TMEM62: variants seen among roughly 807,000 people sequenced by gnomAD.
TMEM62 encodes transmembrane protein 62.
In TMEM62, 41 loss-of-function variants were observed where a neutral mutation model predicts 70.4. The observed-to-expected ratio is 0.58, with a 90% CI of 0.45 to 0.76. The LOEUF is 0.76. Among genes scored for constraint, TMEM62 ranks in the 30% least tolerant of loss-of-function variants. The probability of loss-of-function intolerance (pLI) is 0.00; values close to 1 mark genes in which losing one functional copy is unlikely to be tolerated. For missense variants in TMEM62, 688 were observed against 788.5 expected (o/e 0.87, Z 1.53); for synonymous variants, 268 against 291.0 (o/e 0.92, Z 0.80).
chr15:43,157,005 A>G (rs2038125835), intron 9 of TMEM62, among the ~76,000 whole-genome samples: 1 of 152,170 alleles, frequency 6.6e-6, no homozygotes, highest in Admixed American at 6.5e-5. Context: ...TGGTCCCTTC[A>G]TTCATTCATG....
intron 9 of TMEM62, chr15:43,160,443 T>C (rs1042601013): frequency 1.4e-5 from 6 of 418,498 alleles, no homozygotes; most frequent in Non-Finnish European, 2.6e-5. Flanking sequence ...CCTGCAGCTG[T>C]ATCAGGAAGA....
At chr15:43,169,778 C>T in intron 11 of TMEM62, 101 bp downstream of exon 11, 3 of 958,396 alleles carry the variant, frequency 3.1e-6, no homozygotes, top group Non-Finnish European at 3.1e-6. Flanking sequence ...ATATGAATGA[C>T]CATGGCCCAG....
chr15:43,134,072 G>A, intron 1 of TMEM62, 90 bp downstream of exon 1: 1 of 1,437,794 alleles, frequency 7.0e-7, no homozygotes, highest in African/African-American at 1.4e-5. Flanking sequence ...CACGCTCCAG[G>A]CTGGGGACCT....
chr15:43,146,452 CT>C (rs767692998), intron 4 of TMEM62, 40 bp from the exon 5 acceptor site: 1 of 1,555,792 alleles, frequency 6.4e-7, no homozygotes, highest in African/African-American at 1.4e-5. Context: ...AAAGCATTGT[CT>C]TTTTATTACA....
At chr15:43,140,155 T>A (rs1227915795) in intron 4 of TMEM62, among the ~76,000 whole-genome samples, 1 of 152,090 alleles carries the variant, frequency 6.6e-6, no homozygotes, top group Non-Finnish European at 1.5e-5. Context: ...CTAGGTCACT[T>A]TTTCCGCTTG....
chr15:43,178,683 G>A lies in TMEM62; in HGVS notation c.1458G>A (p.Val486=), dbSNP rs957549976. The A allele has an allele frequency of 6.2e-7, 1 of 1,611,840 alleles. No homozygotes were observed. The highest frequency in any genetic ancestry group is 8.5e-7 in the Non-Finnish European group (1 of 1,178,328). Residue 486 remains valine (V), a synonymous_variant, in exon 12 of 14, where the codon GTG becomes GTA. Coordinates refer to ENST00000260403, the MANE Select transcript of TMEM62 (RefSeq NM_024956.4). The stretch of plus-strand genomic sequence containing the variant: ...AAATAAACATCTTCTACTATTCTGT[G>A]TTGTTGTTGACCCTGTATACAGTGC... ...LSKINIFYYS[V]LLLTLYTVLG... is the part of the protein sequence containing the mutation.
rs2041020200 is a variant in TMEM62, at chr15:43,178,594, TTA to T, written c.1382-11_1382-10del. 3 of 1,566,748 alleles carry T rather than the reference TTA, an allele frequency of 1.9e-6. No homozygotes were observed. Among genetic ancestry groups the T allele is most frequent in the East Asian group, 2.2e-5 (1 of 44,592 alleles). On this transcript the variant is annotated splice_polypyrimidine_tract_variant and intron_variant, in intron 11 of 13. Transcript: ENST00000260403. ...CATGTGTTCACTGGGTTTTTCAACT[TTA>T]TGTTTTTTAGAACCTTCAGGGTTTA...
In TMEM62 at chr15:43,148,820, T is replaced by C. The variant is rs758214878; in HGVS notation, c.684T>C (p.Phe228=). 6.2e-6 allele frequency: 10 copies of C among 1,614,056 alleles called. No individual in the cohort carries two copies. The African/African-American group carries it at 6.7e-5, about 11-fold the overall frequency. The change falls in exon 6 of 14, where the codon TTT becomes TTC. Residue 228 remains phenylalanine, a synonymous_variant. Transcript: ENST00000260403. ...GTCGGAGCAACCATACAATTTGGTT[T>C]GGACACTTTACAACATCCACTATTC... The part of the protein sequence containing the change: ...ESSRSNHTIW[F]GHFTTSTILS...
intron 8 of TMEM62, among the ~76,000 whole-genome samples, chr15:43,154,460 G>A (rs986393535): frequency 2.6e-5 from 4 of 152,072 alleles, no homozygotes; most frequent in East Asian, 3.8e-4. Context: ...GAATAGTTCC[G>A]AATTTCTTAC....
chr15:43,146,856 T>C (rs1310431297), intron 5 of TMEM62, among the ~76,000 whole-genome samples: 1 of 152,232 alleles, frequency 6.6e-6, no homozygotes, highest in African/African-American at 2.4e-5. Context: ...TCACACTTTA[T>C]GGAGTAAACA....
intron 10 of TMEM62, among the ~76,000 whole-genome samples, chr15:43,167,367 CG>C (rs2039611951): frequency 6.7e-6 from 1 of 149,892 alleles, no homozygotes; most frequent in African/African-American, 2.5e-5. Context: ...ACTTCTCAGA[CG>C]GGGCGGCTGC....
At chr15:43,142,164 CTTTTTTTT>C (rs56110605) in intron 4 of TMEM62, among the ~76,000 whole-genome samples, 2 of 83,620 alleles carry the variant, frequency 2.4e-5, no homozygotes, top group African/African-American at 9.0e-5. Context: ...TAGAGAAATT[CTTTTTTTT>C]TTTTTTTTTT....
At chr15:43,136,033 C>G (rs2035184054) in intron 3 of TMEM62, among the ~76,000 whole-genome samples, 1 of 152,152 alleles carries the variant, frequency 6.6e-6, no homozygotes, top group Non-Finnish European at 1.5e-5. Flanking sequence ...CCCCCTGCCC[C>G]CATCCCCCAG....
chr15:43,149,853 T>G (rs1002946972), intron 7 of TMEM62, among the ~76,000 whole-genome samples: 31 of 152,380 alleles, frequency 2.0e-4, no homozygotes, highest in Middle Eastern at 3.4e-3. Context: ...AAGATGGTAG[T>G]GATTTAACTT....
At chr15:43,172,611 C>T (rs1389897630) in intron 11 of TMEM62, among the ~76,000 whole-genome samples, 1 of 152,096 alleles carries the variant, frequency 6.6e-6, no homozygotes, top group African/African-American at 2.4e-5. Flanking sequence ...ACATCTAGCA[C>T]AGAGAAATGC....
chr15:43,159,529 A>G (rs188497532), intron 9 of TMEM62, among the ~76,000 whole-genome samples: 1 of 152,212 alleles, frequency 6.6e-6, no homozygotes, highest in Non-Finnish European at 1.5e-5. Flanking sequence ...TTTACTTAAC[A>G]TAGTGGTCTC....
At chr15:43,148,902 G>T (rs1192442526) in intron 6 of TMEM62, 23 bp downstream of exon 6, 2 of 1,603,158 alleles carry the variant, frequency 1.2e-6, no homozygotes, top group African/African-American at 2.7e-5. Context: ...TCCAAAATCA[G>T]AATTAATTTG....
chr15:43,145,300 G>C lies in TMEM62; in HGVS notation c.477-1193G>C, dbSNP rs533431598. 1.3e-4 allele frequency among the ~76,000 whole-genome samples: 20 copies of C among 149,150 alleles called. No homozygotes were observed. In the East Asian group the frequency reaches 2.4e-3, roughly 18 times the overall value. ...ACTCACTGCAAGCTCCGCCTCCCGG[G>C]TTCAAGCCATTGTCCTGCCTCAGCC... On this transcript the variant is annotated intron_variant, in intron 4 of 13. Transcript: ENST00000260403.
chr15:43,181,308 T>A lies in TMEM62; in HGVS notation c.1605+9T>A, dbSNP rs1187759411. On this transcript the variant is annotated intron_variant, in intron 13 of 13. Transcript: ENST00000260403. ...TAATTGGAATTCTCCAGGTAAGAAG[T>A]CAGAAAAGCAATTTAAGAACATCTT... 1 of 1,561,016 alleles carries A rather than the reference T, an allele frequency of 6.4e-7. No homozygotes were observed.
Sources: gnomAD v4.1 joint callset for allele counts (sites outside exome capture counted in the v4.1 genomes callset) on GRCh38, gnomAD v4.1.1 for gene constraint, MANE v1.5 for transcripts, NCBI Gene and HGNC (gene_info 2026-07-23, HGNC 2026-07-21) for gene names.